KIRREL3: variants seen among roughly 807,000 people sequenced by gnomAD.
KIRREL3 encodes kin of IRRE-like protein 3.
A neutral mutation model predicts 89.7 loss-of-function variants in KIRREL3; 36 were observed. The ratio of observed to expected loss-of-function variants is 0.40; its 90% CI spans 0.31 to 0.53. The LOEUF (loss-of-function observed/expected upper bound fraction) is 0.53. Among genes scored for constraint, KIRREL3 ranks in the 20% least tolerant of loss-of-function variants. KIRREL3 has a pLI of 0.49. For synonymous variants in KIRREL3, 445 were observed against 441.4 expected, an observed-to-expected ratio of 1.01 and a Z score of -0.10; for missense variants, 864 against 1,056.6, an observed-to-expected ratio of 0.82 and a Z score of 2.53.
intron 1 of KIRREL3, among the ~76,000 whole-genome samples, chr11:126,592,257 G>T (rs1942173498): frequency 6.6e-6 from 1 of 152,036 alleles, no homozygotes; most frequent in Non-Finnish European, 1.5e-5. Context: ...TACTATAAAG[G>T]TATCATTGTT....
rs1022366361 is a variant in KIRREL3, at chr11:126,582,584, G to A, written c.56-19672C>T. Among the ~76,000 whole-genome samples the A allele has an allele frequency of 3.9e-5, 6 of 152,168 alleles. No individual in the cohort carries two copies. The East Asian group carries it at 5.8e-4, about 15-fold the overall frequency. On this transcript the variant is annotated intron_variant, in intron 1 of 16. Transcript: ENST00000525144. ...CGGCAGGGACAGCTGAGAAGCAGGC[G>A]GATGGATGACCTTAGCTGCAGGTCA...
chr11:126,933,701 A>C (rs1450159534), intron 1 of KIRREL3, among the ~76,000 whole-genome samples: 3 of 152,126 alleles, frequency 2.0e-5, no homozygotes. Flanking sequence ...CAATAGCATA[A>C]ATAGCATTAA....
intron 1 of KIRREL3, among the ~76,000 whole-genome samples, chr11:126,827,668 A>G (rs116868189): frequency 2.0e-5 from 3 of 152,374 alleles, no homozygotes; most frequent in East Asian, 3.9e-4. Flanking sequence ...AGGTGGGCAT[A>G]TCCCAAAGTG....
At chr11:126,973,883 T>C (rs1949498412) in intron 1 of KIRREL3, among the ~76,000 whole-genome samples, 2 of 152,130 alleles carry the variant, frequency 1.3e-5, no homozygotes, top group African/African-American at 4.8e-5. Context: ...CCTGGGAATA[T>C]AGCAATTTAT....
rs992684721 is a variant in KIRREL3, at chr11:126,424,378, C to T, written c.*202G>A. The T allele has an allele frequency of 1.5e-4, 70 of 459,134 alleles. 3 individuals carry two copies. The highest frequency in any genetic ancestry group is 2.2e-4 in the Non-Finnish European group (53 of 245,798). 28.4% of individuals were successfully genotyped at this position (459,134 alleles called of 1,614,324 possible). A position where few individuals can be genotyped will look rare whatever the true frequency, so the allele number is the denominator to read the frequency against. ...CGCAGCCTCTGTCTGTCTCCCCACC[C>T]GCCCACCTCTGGCACACAGCACCTG... On this transcript the variant is annotated 3_prime_UTR_variant, in exon 17 of 17. Transcript: ENST00000525144.
Position 126,883,313 on chromosome 11 carries a change from C to T in KIRREL3, c.55+117142G>A, listed in dbSNP as rs893538584. Among the ~76,000 whole-genome samples, 3 of 152,162 alleles carry T rather than the reference C, an allele frequency of 2.0e-5. No homozygotes were observed. Among genetic ancestry groups the T allele is most frequent in the Admixed American group, 6.5e-5 (1 of 15,278 alleles). On this transcript the variant is annotated intron_variant, in intron 1 of 16. Transcript: ENST00000525144. The surrounding 1 kb of genome is among the most constrained non-coding windows in gnomAD (Gnocchi z 4.1). The stretch of plus-strand genomic sequence containing the variant: ...CCAGAAGTGGTAGGAGAGAGATCTT[C>T]AAGCAGCACAGCAGTTAAAGAACTT...
chr11:126,637,744 T>C (rs999308230), intron 1 of KIRREL3, among the ~76,000 whole-genome samples: 3 of 152,242 alleles, frequency 2.0e-5, no homozygotes, highest in African/African-American at 7.2e-5. Flanking sequence ...AGGAGGGTTT[T>C]CCTTAGCAAA....
chr11:126,882,284 C>T (rs1034256561), intron 1 of KIRREL3, among the ~76,000 whole-genome samples: 3 of 152,178 alleles, frequency 2.0e-5, no homozygotes, highest in African/African-American at 7.2e-5. Flanking sequence ...GATATTCTTT[C>T]CAGTATGGGG....
chr11:126,444,166 G>A (rs1017064637), intron 10 of KIRREL3, among the ~76,000 whole-genome samples: 11 of 152,194 alleles, frequency 7.2e-5, no homozygotes, highest in East Asian at 1.9e-4. Context: ...AACTCCCACC[G>A]TGAAAATACT....
Position 126,892,143 on chromosome 11 carries a change from A to G in KIRREL3, c.55+108312T>C, listed in dbSNP as rs771705725. Among the ~76,000 whole-genome samples the G allele has an allele frequency of 6.6e-6, 1 of 152,172 alleles. No individual in the cohort carries two copies. ...TCAATGGCTTCTTGGTGATCTTCCA[A>G]TAATTTTTAGCAGTAGAAGCTTTCC... On this transcript the variant is annotated intron_variant, in intron 1 of 16. Transcript: ENST00000525144. The surrounding 1 kb of genome is among the most constrained non-coding windows in gnomAD (Gnocchi z 5.4).
rs1342328368 is a variant in KIRREL3, at chr11:126,653,979, A to G, written c.56-91067T>C. Among the ~76,000 whole-genome samples, 1 of 152,232 alleles carries G rather than the reference A, an allele frequency of 6.6e-6. No individual in the cohort carries two copies. The highest frequency in any genetic ancestry group is 1.5e-5 in the Non-Finnish European group (1 of 68,034). On this transcript the variant is annotated intron_variant, in intron 1 of 16. Coordinates refer to ENST00000525144, the MANE Select transcript of KIRREL3 (RefSeq NM_032531.4). The surrounding 1 kb of genome is among the most constrained non-coding windows in gnomAD (Gnocchi z 5.4). ...TGCCTAGAGGGTGACCCCCACGCCC[A>G]GCACATATCTCACCCTCAGTCACAG...
intron 1 of KIRREL3, among the ~76,000 whole-genome samples, chr11:126,713,169 T>C (rs1035800376): frequency 6.6e-6 from 1 of 152,182 alleles, no homozygotes; most frequent in African/African-American, 2.4e-5. Flanking sequence ...GCTGTGAGGA[T>C]GAATGGTCTG....
intron 4 of KIRREL3, among the ~76,000 whole-genome samples, chr11:126,503,995 C>T (rs1957945296): frequency 6.6e-6 from 1 of 152,188 alleles, no homozygotes; most frequent in South Asian, 2.1e-4. Flanking sequence ...GCAGCCTGAG[C>T]TAAGACATTG....
chr11:126,907,400 G>A (rs968117000), intron 1 of KIRREL3, among the ~76,000 whole-genome samples: 3 of 152,182 alleles, frequency 2.0e-5, no homozygotes, highest in Non-Finnish European at 2.9e-5. Context: ...CTGCGATAGA[G>A]AGGAAATTGA....
chr11:126,884,438 C>G (rs1945624290), intron 1 of KIRREL3, among the ~76,000 whole-genome samples: 1 of 152,166 alleles, frequency 6.6e-6, no homozygotes, highest in Non-Finnish European at 1.5e-5. Flanking sequence ...AGTTTATACT[C>G]TGGGCTCAAA....
At chr11:126,974,026 C>T (rs1234635019) in intron 1 of KIRREL3, among the ~76,000 whole-genome samples, 1 of 152,160 alleles carries the variant, frequency 6.6e-6, no homozygotes, top group African/African-American at 2.4e-5. Context: ...TCCCTGAGGG[C>T]AGGTGCCACA....
At chr11:126,937,704 C>T (rs1329035895) in intron 1 of KIRREL3, among the ~76,000 whole-genome samples, 1 of 151,994 alleles carries the variant, frequency 6.6e-6, no homozygotes, top group Non-Finnish European at 1.5e-5. Context: ...TCAAGACCAT[C>T]CTGGCTAACA....
At chr11:126,753,038 A>G (rs11220599) in intron 1 of KIRREL3, among the ~76,000 whole-genome samples, 34,495 of 152,140 alleles carry the variant, frequency 0.23, 4,374 homozygotes, top group African/African-American at 0.32. Context: ...ATGGAGACAT[A>G]AGCCCTCCAC....
At chr11:126,878,945 G>A (rs934633539) in intron 1 of KIRREL3, among the ~76,000 whole-genome samples, 1 of 152,158 alleles carries the variant, frequency 6.6e-6, no homozygotes, top group Non-Finnish European at 1.5e-5. Flanking sequence ...CAGGGCTCAG[G>A]TGAAAAGGAA....
Sources: allele counts gnomAD v4.1 joint callset (sites outside exome capture counted in the v4.1 genomes callset), GRCh38; gene constraint gnomAD v4.1.1; non-coding constraint Gnocchi (gnomAD v3.1); transcripts MANE v1.5; gene names NCBI Gene and HGNC (gene_info 2026-07-23, HGNC 2026-07-21).